Variants in CDH23 observed in about 807,000 individuals in gnomAD.
The protein encoded by CDH23 is cadherin-23.
Under a neutral mutation model 317.1 loss-of-function variants are expected in CDH23, and 189 were observed. That is an observed-to-expected ratio of 0.60 (90% CI 0.53 to 0.67). CDH23 has a LOEUF of 0.67. Among genes scored for constraint, CDH23 ranks in the 30% least tolerant of loss-of-function variants. CDH23 has a pLI of 0.00. For missense variants in CDH23, 4,401 were observed against 4,592.4 expected, an observed-to-expected ratio of 0.96 and a Z score of 1.20; for synonymous variants, 1,839 against 1,876.8, an observed-to-expected ratio of 0.98 and a Z score of 0.52.
At chr10:71,402,855 G>A (rs940801389) in intron 1 of CDH23, among the ~76,000 whole-genome samples, 6 of 152,106 alleles carry the variant, frequency 3.9e-5, no homozygotes, top group Admixed American at 1.3e-4. Context: ...GGTGGCTCAC[G>A]CCTGTAATCC....
At chr10:71,727,630 G>C (rs928373239) in intron 30 of CDH23, among the ~76,000 whole-genome samples, 1 of 152,134 alleles carries the variant, frequency 6.6e-6, no homozygotes, top group African/African-American at 2.4e-5. Context: ...AGTCCCCTTA[G>C]AGACTGGGTG....
chr10:71,713,478 C>T (rs370568889), intron 28 of CDH23: 4 of 577,676 alleles, frequency 6.9e-6, no homozygotes, highest in Admixed American at 3.1e-5. Context: ...GGCAGGCTCC[C>T]GGGCTTGGGA....
intron 57 of CDH23, 132 bp downstream of exon 57, chr10:71,806,413 C>A: frequency 1.5e-6 from 1 of 663,002 alleles, no homozygotes. Flanking sequence ...GCATGCACTT[C>A]ATGCAAGAAC....
chr10:71,623,308 G>A (rs1478380796), intron 11 of CDH23, among the ~76,000 whole-genome samples: 3 of 152,244 alleles, frequency 2.0e-5, no homozygotes, highest in Admixed American at 1.3e-4. Flanking sequence ...ATTTCTGGCA[G>A]CAGACGCTCC....
At chr10:71,411,384 A>G (rs1848336938) in intron 1 of CDH23, among the ~76,000 whole-genome samples, 1 of 152,124 alleles carries the variant, frequency 6.6e-6, no homozygotes, top group Non-Finnish European at 1.5e-5. Context: ...GTTTTTCGAT[A>G]CTATTGTAAG....
chr10:71,703,333 T>C (rs1033964189), intron 24 of CDH23, among the ~76,000 whole-genome samples: 2 of 152,200 alleles, frequency 1.3e-5, no homozygotes, highest in African/African-American at 4.8e-5. Flanking sequence ...GTTAAGAGCA[T>C]GGGCCGTGGA....
In CDH23 at chr10:71,732,343, G is replaced by A. The variant is rs1252162825; in HGVS notation, c.4072G>A (p.Ala1358Thr). 5 of 1,579,838 alleles carry A rather than the reference G, an allele frequency of 3.2e-6. No homozygotes were observed. Among genetic ancestry groups the A allele is most frequent in the African/African-American group, 1.3e-5 (1 of 74,102 alleles). Residue 1358 changes from alanine to threonine, a missense_variant, in exon 32 of 70, where the codon GCC (alanine) becomes ACC (threonine). Ala to Thr is a moderately conservative substitution (Grantham distance 58). Around this residue, in one of 3 missense-constraint regions of CDH23, gnomAD observed 3,068 missense variants for 3,203.3 expected, o/e 0.96. Coordinates refer to ENST00000224721, the MANE Select transcript of CDH23 (RefSeq NM_022124.6). ...YRFNAYTSTQ[A>T]KALFKIDAIT... The stretch of plus-strand genomic sequence containing the variant: ...CTTCAACGCCTACACCAGCACCCAG[G>A]CCAAAGCCCTCTTCAAGATAGACGC...
chr10:71,753,097 G>A (rs1002451725), intron 38 of CDH23: 7 of 1,477,184 alleles, frequency 4.7e-6, no homozygotes, highest in Admixed American at 2.0e-5. Flanking sequence ...CAGGGAACAG[G>A]AGCGAGCCCA....
chr10:71,680,835 T>C (rs1252169285), intron 17 of CDH23, among the ~76,000 whole-genome samples: 1 of 138,740 alleles, frequency 7.2e-6, no homozygotes, highest in African/African-American at 2.6e-5. Context: ...TTTTCTTTTT[T>C]TTTTTTTTTT....
chr10:71,695,489 G>C lies in CDH23; in HGVS notation c.2361G>C (p.Leu787=), dbSNP rs775888536. The change falls in exon 22 of 70, where the codon CTG becomes CTC. Residue 787 remains leucine (L), a synonymous_variant. Transcript: ENST00000224721. The part of the protein sequence containing the change: ...TWKDAPYYIN[L]VEMTPPDSDV... ...AGGACGCACCCTACTACATCAACCT[G>C]GTGGAGATGACCCCTCCAGACTCTG... The C allele has an allele frequency of 6.2e-7, 1 of 1,613,524 alleles. No homozygotes were observed. Among genetic ancestry groups the C allele is most frequent in the South Asian group, 1.1e-5 (1 of 91,074 alleles).
intron 21 of CDH23, among the ~76,000 whole-genome samples, 185 bp from the exon 22 acceptor site, chr10:71,695,233 T>G (rs1485687706): frequency 6.6e-6 from 1 of 152,248 alleles, no homozygotes; most frequent in East Asian, 1.9e-4. Flanking sequence ...CTCTCTCTCC[T>G]GAAGCGGCCT....
chr10:71,658,890 G>A (rs1863527594), intron 14 of CDH23, among the ~76,000 whole-genome samples: 1 of 152,196 alleles, frequency 6.6e-6, no homozygotes, highest in Non-Finnish European at 1.5e-5. Context: ...AGGGAAAGTG[G>A]GCTTGCAAGG....
chr10:71,496,824 GGTGTACA>G lies in CDH23; in HGVS notation c.146-13256_146-13250del, dbSNP rs1853002276. Reference sequence around the variant, plus strand: ...CTGGAGATCCTGATGTATGTGGTCTGGTGTACAGATGGACAGTTGGGATGTCAAAAGG... The same window carrying G: ...CTGGAGATCCTGATGTATGTGGTCTGGATGGACAGTTGGGATGTCAAAAGG... On this transcript the variant is annotated intron_variant, in intron 3 of 69. Coordinates refer to ENST00000224721, the MANE Select transcript of CDH23 (RefSeq NM_022124.6). Among the ~76,000 whole-genome samples, 17 of 124,334 alleles carry G rather than the reference GGTGTACA, an allele frequency of 1.4e-4. 5 individuals carry two copies. Among genetic ancestry groups the G allele is most frequent in the African/African-American group, 2.0e-4 (7 of 35,846 alleles). 81.6% of individuals were successfully genotyped at this position (124,334 alleles called of 152,430 possible). A position where few individuals can be genotyped will look rare whatever the true frequency, so the allele number is the denominator to read the frequency against.
chr10:71,674,910 G>A (rs1864294865), intron 14 of CDH23, among the ~76,000 whole-genome samples: 2 of 152,192 alleles, frequency 1.3e-5, no homozygotes, highest in Non-Finnish European at 2.9e-5. Context: ...TGGCGGTGGA[G>A]AGGCCAGTTT....
At chr10:71,735,877 GCA>G (rs1839550130) in intron 34 of CDH23, among the ~76,000 whole-genome samples, 2 of 152,216 alleles carry the variant, frequency 1.3e-5, no homozygotes, top group South Asian at 4.1e-4. Flanking sequence ...CAGCCGGTGA[GCA>G]GAGCGCTCGG....
chr10:71,503,942 ATGGGGCTC>A (rs1312094930), intron 3 of CDH23, among the ~76,000 whole-genome samples: 2 of 152,134 alleles, frequency 1.3e-5, no homozygotes, highest in Admixed American at 1.3e-4. Context: ...GTGGGGCCAG[ATGGGGCTC>A]AGCCCAGTGA....
At chr10:71,657,028 C>A (rs1199139627) in intron 14 of CDH23, among the ~76,000 whole-genome samples, 1 of 152,192 alleles carries the variant, frequency 6.6e-6, no homozygotes, top group African/African-American at 2.4e-5. Flanking sequence ...AGTGGAAGTC[C>A]AGATCCCTCC....
At chr10:71,736,417 C>A (rs149022885) in intron 34 of CDH23, among the ~76,000 whole-genome samples, 2,728 of 152,344 alleles carry the variant, frequency 0.018, 31 homozygotes, top group Middle Eastern at 0.044. Flanking sequence ...TCCCCAGCAG[C>A]CCTGGCCGGC....
At chr10:71,537,531 G>A (rs1468950675) in intron 6 of CDH23, among the ~76,000 whole-genome samples, 1 of 152,244 alleles carries the variant, frequency 6.6e-6, no homozygotes, top group Non-Finnish European at 1.5e-5. Context: ...CCTCTGCCAA[G>A]TGGCCTTAAA....
Sources: allele counts gnomAD v4.1 joint callset (sites outside exome capture counted in the v4.1 genomes callset), GRCh38; gene constraint gnomAD v4.1.1; regional missense constraint gnomAD v4.1.1; transcripts MANE v1.5; gene names NCBI Gene and HGNC (gene_info 2026-07-23, HGNC 2026-07-21).